PTPRD: variants seen among roughly 807,000 people sequenced by gnomAD.
The protein encoded by PTPRD is protein tyrosine phosphatase receptor type D, also known as receptor-type tyrosine-protein phosphatase delta.
In PTPRD, 34 loss-of-function variants were observed where a neutral mutation model predicts 214.5. The ratio of observed to expected loss-of-function variants is 0.16; its 90% CI spans 0.12 to 0.21. The LOEUF is 0.21. PTPRD is among the 10% of genes least tolerant of loss of function. The pLI, the probability that PTPRD is intolerant of heterozygous loss-of-function variation, is 1.00. For missense variants in PTPRD, 2,545 were observed against 2,398.7 expected (o/e 1.06, Z -1.27); for synonymous variants, 1,128 against 845.7 (o/e 1.33, Z -5.79).
intron 36 of PTPRD, among the ~76,000 whole-genome samples, chr9:8,394,046 G>C (rs1030562171): frequency 1.3e-5 from 2 of 151,994 alleles, no homozygotes; most frequent in African/African-American, 4.8e-5. Flanking sequence ...ACAGCTATTT[G>C]AACAGAATTA....
chr9:10,293,711 T>C (rs936887932), intron 3 of PTPRD, among the ~76,000 whole-genome samples: 1 of 151,904 alleles, frequency 6.6e-6, no homozygotes, highest in Non-Finnish European at 1.5e-5. Flanking sequence ...GAAAATTCAC[T>C]GTTAAGTTAT....
chr9:8,584,081 T>C (rs2093428238), intron 14 of PTPRD, among the ~76,000 whole-genome samples: 2 of 152,246 alleles, frequency 1.3e-5, no homozygotes, highest in East Asian at 1.9e-4. Flanking sequence ...CTGAGCCTGG[T>C]AGTTCGAGGC....
chr9:9,947,820 A>G (rs927534934), intron 4 of PTPRD, among the ~76,000 whole-genome samples: 1 of 149,488 alleles, frequency 6.7e-6, no homozygotes, highest in Non-Finnish European at 1.5e-5. Context: ...GATTCAAGTA[A>G]TGGTGCCTAC....
rs913030701 is a variant in PTPRD at position 8,379,771 on chromosome 9, G to A, written c.4387-3045C>T. ...TGAGTACATAAGAACTAGAAGGCAG[G>A]AGCTACTGAATACGAATACGGTTTT... On this transcript the variant is annotated intron_variant, in intron 37 of 45. Transcript: ENST00000381196. 5.3e-5 allele frequency among the ~76,000 whole-genome samples: 8 copies of A among 152,152 alleles called. No individual in the cohort carries two copies. In the South Asian group the frequency reaches 8.3e-4, roughly 16 times the overall value.
chr9:10,585,256 T>A (rs1591484885), intron 2 of PTPRD, among the ~76,000 whole-genome samples: 1 of 151,910 alleles, frequency 6.6e-6, no homozygotes, highest in East Asian at 1.9e-4. Context: ...AAGTAATAAC[T>A]TATTTTTTGT....
At chr9:10,233,574 A>G (rs998194369) in intron 3 of PTPRD, among the ~76,000 whole-genome samples, 3 of 152,062 alleles carry the variant, frequency 2.0e-5, no homozygotes, top group Admixed American at 2.0e-4. Context: ...AGTTATGAGC[A>G]ATACCAAGAA....
chr9:9,226,228 G>A (rs1474973556), intron 9 of PTPRD, among the ~76,000 whole-genome samples: 1 of 151,740 alleles, frequency 6.6e-6, no homozygotes, highest in Non-Finnish European at 1.5e-5. Context: ...GGGAAATCTA[G>A]TAGGCAGTGG....
chr9:10,089,643 A>G lies in PTPRD; in HGVS notation c.-544-55853T>C, dbSNP rs115979944. 2.7e-3 allele frequency among the ~76,000 whole-genome samples: 414 copies of G among 151,766 alleles called. 1 individual carries two copies. Among genetic ancestry groups the G allele is most frequent in the African/African-American group, 9.3e-3 (385 of 41,486 alleles). On this transcript the variant is annotated intron_variant, in intron 3 of 45. Transcript: ENST00000381196. Reference sequence around the variant, plus strand: ...AAAGTAGGCAATACTGAAGAGTCATACAACAGAATAAGGTATAACTTCCAA... The same window carrying G: ...AAAGTAGGCAATACTGAAGAGTCATGCAACAGAATAAGGTATAACTTCCAA...
rs1474091514 is a variant in PTPRD at position 10,480,065 on chromosome 9, T to C, written c.-600+132333A>G. 2.6e-5 allele frequency among the ~76,000 whole-genome samples: 4 copies of C among 152,106 alleles called. 1 individual carries two copies. Among genetic ancestry groups the C allele is most frequent in the Non-Finnish European group, 1.5e-5 (1 of 68,006 alleles). On this transcript the variant is annotated intron_variant, in intron 2 of 45. Transcript: ENST00000381196. ...CCTGGTGAAAGTATACTCCAATAAA[T>C]AGGTCTCATAAGCTAATGGTTTTAT...
chr9:9,745,670 C>T (rs985362470), intron 6 of PTPRD, among the ~76,000 whole-genome samples: 6 of 152,104 alleles, frequency 3.9e-5, no homozygotes, highest in African/African-American at 1.4e-4. Flanking sequence ...GCTCATGATC[C>T]TTGTCACAGT....
chr9:9,295,993 T>A (rs1952871805), intron 9 of PTPRD, among the ~76,000 whole-genome samples: 1 of 151,828 alleles, frequency 6.6e-6, no homozygotes, highest in African/African-American at 2.4e-5. Flanking sequence ...TAATATTACA[T>A]GATACCTCAG....
rs201810960 is a variant in PTPRD, at chr9:8,921,326, CACAG to C, written c.-104+97367_-104+97370del. Among the ~76,000 whole-genome samples the C allele has an allele frequency of 3.2e-3, 480 of 152,268 alleles. 4 individuals carry two copies. Among genetic ancestry groups the C allele is most frequent in the African/African-American group, 0.011 (459 of 41,556 alleles). The stretch of plus-strand genomic sequence containing the variant: ...AACTTGCTCTCACTCCTCTCTCACA[CACAG>C]ACATACCTCACACACATGACTATCC... On this transcript the variant is annotated intron_variant, in intron 11 of 45. Coordinates refer to ENST00000381196, the MANE Select transcript of PTPRD (RefSeq NM_002839.4).
chr9:8,857,437 C>A (rs902290047), intron 11 of PTPRD, among the ~76,000 whole-genome samples: 5 of 152,144 alleles, frequency 3.3e-5, no homozygotes, highest in Non-Finnish European at 7.4e-5. Context: ...AGAAGTGAAC[C>A]CAGCAGGAGA....
chr9:8,861,279 G>C (rs1014390216), intron 11 of PTPRD: 2 of 152,066 alleles, frequency 1.3e-5, no homozygotes, highest in Non-Finnish European at 2.9e-5. Flanking sequence ...ACTAAGCATC[G>C]TGCTAAGCAT....
chr9:9,525,245 T>C (rs2073851206), intron 8 of PTPRD, among the ~76,000 whole-genome samples: 1 of 152,132 alleles, frequency 6.6e-6, no homozygotes, highest in Non-Finnish European at 1.5e-5. Context: ...TCTTTGACAT[T>C]TCATAGTCCT....
At chr9:8,403,925 A>C (rs1222387742) in intron 36 of PTPRD, among the ~76,000 whole-genome samples, 1 of 152,204 alleles carries the variant, frequency 6.6e-6, no homozygotes, top group Non-Finnish European at 1.5e-5. Context: ...CATAACAACC[A>C]AAACCCATCA....
chr9:9,219,075 T>A (rs1336273830), intron 9 of PTPRD, among the ~76,000 whole-genome samples: 1 of 152,148 alleles, frequency 6.6e-6, no homozygotes, highest in Non-Finnish European at 1.5e-5. Flanking sequence ...TGTGTGCCAA[T>A]TAAAATATAT....
At chr9:8,960,454 A>G (rs751308975) in intron 11 of PTPRD, among the ~76,000 whole-genome samples, 10 of 152,120 alleles carry the variant, frequency 6.6e-5, no homozygotes, top group Non-Finnish European at 1.3e-4. Flanking sequence ...AGGCAGCAAG[A>G]TCAGTAAAAG....
chr9:10,401,177 C>T (rs2154495596), intron 2 of PTPRD, among the ~76,000 whole-genome samples: 1 of 151,768 alleles, frequency 6.6e-6, no homozygotes, highest in Non-Finnish European at 1.5e-5. Flanking sequence ...TGACCGTTTT[C>T]TTTTTCCGCT....
Sources: allele counts gnomAD v4.1 joint callset (sites outside exome capture counted in the v4.1 genomes callset), GRCh38; gene constraint gnomAD v4.1.1; transcripts MANE v1.5; gene names NCBI Gene and HGNC (gene_info 2026-07-23, HGNC 2026-07-21).